The following MEGF10 variants were observed in gnomAD, a reference collection of about 807,000 sequenced individuals.
MEGF10 encodes the protein multiple epidermal growth factor-like domains protein 10.
In MEGF10, 86 loss-of-function variants were observed where a neutral mutation model predicts 147.5. That is an observed-to-expected ratio of 0.58 (90% CI 0.49 to 0.70). The LOEUF (loss-of-function observed/expected upper bound fraction) is 0.70, where lower values mean the gene tolerates loss of function less well. Among genes scored for constraint, MEGF10 ranks in the 30% least tolerant of loss-of-function variants. The pLI is 0.00. For missense variants in MEGF10, 1,329 were observed against 1,487.3 expected (o/e 0.89, Z 1.75); for synonymous variants, 478 against 525.5 (o/e 0.91, Z 1.24).
chr5:127,339,226 T>C lies in MEGF10; in HGVS notation c.218+5T>C, dbSNP rs373947797. The C allele has an allele frequency of 6.9e-6, 11 of 1,599,610 alleles. No homozygotes were observed. The highest frequency in any genetic ancestry group is 1.3e-5 in the African/African-American group (1 of 74,472). On this transcript the variant is annotated splice_donor_5th_base_variant and intron_variant, in intron 3 of 24. Transcript: ENST00000503335. ...GTTTAAATGCACGCGGCACAGGTAA[T>C]AGAAGCTCAGGCATGTTTGTGAGTT... is the stretch of plus-strand genomic sequence containing the variant.
chr5:127,238,647 C>T, the MEGF10 span, among the ~76,000 whole-genome samples: 4 of 152,086 alleles, frequency 2.6e-5, no homozygotes, highest in East Asian at 7.7e-4. Flanking sequence ...TGTGCTTCAC[C>T]TCCACACTTC....
intron 4 of MEGF10, among the ~76,000 whole-genome samples, chr5:127,357,065 T>C (rs1762302755): frequency 1.3e-5 from 2 of 152,214 alleles, no homozygotes; most frequent in Non-Finnish European, 2.9e-5. Flanking sequence ...TATTTATAAT[T>C]TATTTGAGAC....
At chr5:127,249,960 C>A in the MEGF10 span, among the ~76,000 whole-genome samples, 1 of 152,016 alleles carries the variant, frequency 6.6e-6, no homozygotes, top group Non-Finnish European at 1.5e-5. Flanking sequence ...ATGGCAAACC[C>A]ACTCCTGTGA....
At chr5:127,403,895 A>C (rs540093525) in intron 8 of MEGF10, among the ~76,000 whole-genome samples, 1 of 152,360 alleles carries the variant, frequency 6.6e-6, no homozygotes, top group Admixed American at 6.5e-5. Flanking sequence ...ACAGTGCTGC[A>C]ACAAACATAG....
intron 12 of MEGF10, among the ~76,000 whole-genome samples, chr5:127,421,904 G>A (rs1366926611): frequency 6.8e-6 from 1 of 146,272 alleles, no homozygotes; most frequent in Non-Finnish European, 1.5e-5. Context: ...CAGGAGAATG[G>A]TGTGAACCCG....
At chr5:127,290,577 C>T (rs1759200136), upstream of MEGF10, among the ~76,000 whole-genome samples, 3 of 152,228 alleles carry the variant, frequency 2.0e-5, no homozygotes, top group Non-Finnish European at 4.4e-5. Context: ...GGGTCACCCA[C>T]CAGGCGGTGG....
rs1342606828 is a variant in MEGF10 at position 127,391,153 on chromosome 5, C to CACACAT, written c.413-5378_413-5377insCACATA. The stretch of plus-strand genomic sequence containing the variant: ...ACACACACACACACACACACACACA[C>CACACAT]ATACATGCTTATTTCTTTAGGAAAA... On this transcript the variant is annotated intron_variant, in intron 5 of 24. Coordinates refer to ENST00000503335, the MANE Select transcript of MEGF10 (RefSeq NM_001256545.2). 1.2e-4 allele frequency among the ~76,000 whole-genome samples: 5 copies of CACACAT among 40,512 alleles called. No individual in the cohort carries two copies. In the East Asian group the frequency reaches 2.6e-3, roughly 21 times the overall value. The allele number at this position is 40,512 out of a possible 152,430, so 26.6% of individuals were successfully genotyped here.
chr5:127,452,036 C>T (rs1017863855), intron 22 of MEGF10, among the ~76,000 whole-genome samples: 9 of 152,088 alleles, frequency 5.9e-5, no homozygotes, highest in African/African-American at 1.9e-4. Context: ...TGTACTGGCT[C>T]GTTTTGTGAA....
In MEGF10 at chr5:127,356,440, A is replaced by C. The variant is rs534362289; in HGVS notation, c.320-13470A>C. On this transcript the variant is annotated intron_variant, in intron 4 of 24. Transcript: ENST00000503335. ...AAAATCAGAGAGCTCCAAGAGAGTT[A>C]AGACAGAGAAACTCAGACTTCTTGA... Among the ~76,000 whole-genome samples, 3 of 152,342 alleles carry C rather than the reference A, an allele frequency of 2.0e-5. No individual in the cohort carries two copies. The South Asian group carries it at 6.2e-4, about 32-fold the overall frequency.
the MEGF10 span, among the ~76,000 whole-genome samples, chr5:127,277,494 C>T: frequency 6.6e-5 from 10 of 152,162 alleles, no homozygotes; most frequent in African/African-American, 9.7e-5. Context: ...ATCTCAGAGT[C>T]CATTTTCTGG....
At chr5:127,269,315 A>G in the MEGF10 span, among the ~76,000 whole-genome samples, 1 of 152,220 alleles carries the variant, frequency 6.6e-6, no homozygotes, top group Non-Finnish European at 1.5e-5. Context: ...GTTCAAACCC[A>G]ATGCAAAGAA....
At chr5:127,395,051 C>T (rs1763848224) in intron 5 of MEGF10, among the ~76,000 whole-genome samples, 1 of 152,084 alleles carries the variant, frequency 6.6e-6, no homozygotes, top group African/African-American at 2.4e-5. Flanking sequence ...GTTGAAGTTA[C>T]AAAATTTTTA....
the MEGF10 span, among the ~76,000 whole-genome samples, chr5:127,264,887 G>A: frequency 6.6e-6 from 1 of 151,550 alleles, no homozygotes; most frequent in South Asian, 2.1e-4. Flanking sequence ...TGCCATGGTG[G>A]TTTGCTGCAC....
intron 1 of MEGF10, among the ~76,000 whole-genome samples, chr5:127,296,491 T>C (rs947712861): frequency 6.6e-6 from 1 of 152,210 alleles, no homozygotes; most frequent in Non-Finnish European, 1.5e-5. Flanking sequence ...CTCATCTTGA[T>C]AGGTACATGT....
chr5:127,374,338 T>C (rs989550299), intron 5 of MEGF10, among the ~76,000 whole-genome samples: 5 of 152,184 alleles, frequency 3.3e-5, no homozygotes, highest in Non-Finnish European at 7.3e-5. Flanking sequence ...ATACTTAACA[T>C]TTGGCCAACC....
At chr5:127,247,312 A>AAGAGAGAGAGAG in the MEGF10 span, among the ~76,000 whole-genome samples, 1 of 70,436 alleles carries the variant, frequency 1.4e-5, no homozygotes, top group Non-Finnish European at 2.9e-5. Flanking sequence ...GAGCGAGAGA[A>AAGAGAGAGAGAG]AGAGAGAGAA....
chr5:127,395,532 A>G (rs1407172657), intron 5 of MEGF10, among the ~76,000 whole-genome samples: 1 of 121,406 alleles, frequency 8.2e-6, no homozygotes, highest in Non-Finnish European at 1.7e-5. Flanking sequence ...GTTTTGACTG[A>G]TATCTTTTTT....
At chr5:127,391,863 A>G (rs933270728) in intron 5 of MEGF10, among the ~76,000 whole-genome samples, 2 of 152,160 alleles carry the variant, frequency 1.3e-5, no homozygotes, top group Non-Finnish European at 1.5e-5. Flanking sequence ...GCAAGCAAAT[A>G]TAAAGATTAT....
At chr5:127,456,001 G>A (rs998546412) in intron 24 of MEGF10, among the ~76,000 whole-genome samples, 1 of 152,218 alleles carries the variant, frequency 6.6e-6, no homozygotes, top group East Asian at 1.9e-4. Flanking sequence ...TGGTGCCAAA[G>A]GAATTTTCCA....
Sources: allele counts gnomAD v4.1 joint callset (sites outside exome capture counted in the v4.1 genomes callset), GRCh38; gene constraint gnomAD v4.1.1; transcripts MANE v1.5; gene names NCBI Gene and HGNC (gene_info 2026-07-23, HGNC 2026-07-21).